SCAPER: variants seen among roughly 807,000 people sequenced by gnomAD.
SCAPER encodes S phase cyclin A-associated protein in the endoplasmic reticulum.
In SCAPER, 98 loss-of-function variants were observed where a neutral mutation model predicts 182.2. The observed-to-expected ratio is 0.54, with a 90% confidence interval of 0.46 to 0.64. The LOEUF (loss-of-function observed/expected upper bound fraction) is 0.64, where lower values mean the gene tolerates loss of function less well. SCAPER is among the 30% of genes least tolerant of loss of function. The pLI is 0.00. For synonymous variants in SCAPER, 605 were observed against 564.6 expected, an observed-to-expected ratio of 1.07 and a Z score of -1.01; for missense variants, 1,432 against 1,690.0, an observed-to-expected ratio of 0.85 and a Z score of 2.68.
intron 5 of SCAPER, among the ~76,000 whole-genome samples, chr15:76,810,551 CCACACA>C (rs67252250): frequency 2.2e-4 from 29 of 133,458 alleles, no homozygotes; most frequent in Non-Finnish European, 3.3e-4. Flanking sequence ...AAAAAAAAAA[CCACACA>C]CACACACACA....
At chr15:76,813,673 C>T (rs1395732277) in intron 5 of SCAPER, among the ~76,000 whole-genome samples, 1 of 152,084 alleles carries the variant, frequency 6.6e-6, no homozygotes, top group Non-Finnish European at 1.5e-5. Flanking sequence ...CAATAACAAT[C>T]TATGTTAAAA....
At chr15:76,468,088 T>TG (rs1324891139) in intron 25 of SCAPER, among the ~76,000 whole-genome samples, 8 of 152,282 alleles carry the variant, frequency 5.3e-5, no homozygotes, top group African/African-American at 1.9e-4. Context: ...AATAAGTCAG[T>TG]GGTCCATATT....
chr15:76,645,344 A>G (rs2054456900), intron 21 of SCAPER, among the ~76,000 whole-genome samples: 1 of 152,122 alleles, frequency 6.6e-6, no homozygotes, highest in African/African-American at 2.4e-5. Flanking sequence ...TTCTTCTACA[A>G]ATATGTGCCA....
At chr15:76,714,960 T>C (rs1383637788) in intron 17 of SCAPER, among the ~76,000 whole-genome samples, 3 of 151,784 alleles carry the variant, frequency 2.0e-5, no homozygotes, top group Admixed American at 6.6e-5. Flanking sequence ...AAAAAACACA[T>C]AAAAAGCACT....
At chr15:76,633,403 G>A (rs2053316149) in intron 21 of SCAPER, among the ~76,000 whole-genome samples, 1 of 152,234 alleles carries the variant, frequency 6.6e-6, no homozygotes, top group Non-Finnish European at 1.5e-5. Flanking sequence ...CAGTCAGGAG[G>A]AACGGGATCA....
In SCAPER at chr15:76,456,934, A is replaced by G. The variant is rs921111416; in HGVS notation, c.3078+14278T>C. Among the ~76,000 whole-genome samples, 7 of 152,098 alleles carry G rather than the reference A, an allele frequency of 4.6e-5. No individual in the cohort carries two copies. In the South Asian group the frequency reaches 1.4e-3, roughly 31 times the overall value. On this transcript the variant is annotated intron_variant, in intron 25 of 31. Coordinates refer to ENST00000563290, the MANE Select transcript of SCAPER (RefSeq NM_020843.4). ...TTATGCTTACTATGTATGTCTTTTTATCCACTTTCAACCTGTATTTATATG... is the reference window on the plus strand; with the variant it reads ...TTATGCTTACTATGTATGTCTTTTTGTCCACTTTCAACCTGTATTTATATG...
At chr15:76,876,339 C>T (rs923004620) in intron 2 of SCAPER, among the ~76,000 whole-genome samples, 64 of 151,234 alleles carry the variant, frequency 4.2e-4, no homozygotes, top group Non-Finnish European at 7.7e-4. Context: ...CAAGAGTGAG[C>T]GAGGGCTGCG....
intron 17 of SCAPER, among the ~76,000 whole-genome samples, chr15:76,713,964 CA>C (rs964633124): frequency 6.6e-6 from 1 of 151,644 alleles, no homozygotes; most frequent in Admixed American, 6.6e-5. Flanking sequence ...CTGTAATAGC[CA>C]AAAAAACTGG....
chr15:76,577,647 T>C (rs1050629830), intron 22 of SCAPER, among the ~76,000 whole-genome samples: 2 of 151,964 alleles, frequency 1.3e-5, no homozygotes, highest in Admixed American at 6.6e-5. Flanking sequence ...CCTGGAAGGA[T>C]TTGTCATCTG....
intron 18 of SCAPER, among the ~76,000 whole-genome samples, chr15:76,705,340 T>G (rs1356788965): frequency 7.4e-6 from 1 of 135,774 alleles, no homozygotes; most frequent in Admixed American, 8.9e-5. Context: ...TAGATGGGAA[T>G]TGAACAATGA....
chr15:76,520,554 G>C (rs982800946), intron 23 of SCAPER, among the ~76,000 whole-genome samples: 1 of 151,848 alleles, frequency 6.6e-6, no homozygotes, highest in African/African-American at 2.4e-5. Context: ...CCATGTGCTT[G>C]GTCCATTTTA....
At position 76,556,178 on chromosome 15, in the gene SCAPER, C is replaced by T. The variant is rs140953536; in HGVS notation, c.2838+17980G>A. 2.7e-3 allele frequency among the ~76,000 whole-genome samples: 417 copies of T among 152,178 alleles called. 4 individuals are homozygous for T. The highest frequency in any genetic ancestry group is 0.021 in the South Asian group (99 of 4,820). On this transcript the variant is annotated intron_variant, in intron 23 of 31. Coordinates refer to ENST00000563290, the MANE Select transcript of SCAPER (RefSeq NM_020843.4). ...CAACCTGCTTCTGAACAACTTCTGG[C>T]TAAACAATGAAAATAAGGCAGAAAT...
chr15:76,825,717 G>A (rs1453977374), intron 5 of SCAPER, among the ~76,000 whole-genome samples: 11 of 152,038 alleles, frequency 7.2e-5, no homozygotes. Context: ...ACACCTAGTG[G>A]TCTGGGCACC....
At chr15:76,701,684 G>T in intron 20 of SCAPER, 74 bp downstream of exon 20, 1 of 1,137,256 alleles carries the variant, frequency 8.8e-7, no homozygotes, top group East Asian at 2.4e-5. Context: ...ATACAAACAC[G>T]GAATTCTTTA....
At chr15:76,657,182 C>G (rs551627831) in intron 21 of SCAPER, among the ~76,000 whole-genome samples, 33 of 152,000 alleles carry the variant, frequency 2.2e-4, no homozygotes, top group African/African-American at 7.0e-4. Context: ...GACATAAGAT[C>G]CAAATAAGCA....
At chr15:76,505,843 T>G (rs762164543) in intron 23 of SCAPER, among the ~76,000 whole-genome samples, 10 of 152,062 alleles carry the variant, frequency 6.6e-5, no homozygotes, top group Non-Finnish European at 1.5e-4. Flanking sequence ...GGAAGCAACC[T>G]AAGTGTCCAT....
At chr15:76,833,510 A>G (rs760189063) in intron 5 of SCAPER, among the ~76,000 whole-genome samples, 18 of 152,218 alleles carry the variant, frequency 1.2e-4, no homozygotes, top group Non-Finnish European at 2.2e-4. Flanking sequence ...TGCATCACAT[A>G]TCAATATTGA....
intron 24 of SCAPER, among the ~76,000 whole-genome samples, chr15:76,495,344 G>A (rs925257074): frequency 5.9e-5 from 9 of 152,016 alleles, no homozygotes; most frequent in African/African-American, 2.2e-4. Context: ...TTGGGAGGAC[G>A]AGGCAGGTGG....
chr15:76,522,999 T>C (rs1481631064), intron 23 of SCAPER, among the ~76,000 whole-genome samples: 1 of 152,116 alleles, frequency 6.6e-6, no homozygotes, highest in East Asian at 1.9e-4. Context: ...AAATGCATTG[T>C]TACTACATAA....
Sources: gnomAD v4.1 joint callset for allele counts (sites outside exome capture counted in the v4.1 genomes callset) on GRCh38, gnomAD v4.1.1 for gene constraint, MANE v1.5 for transcripts, NCBI Gene and HGNC (gene_info 2026-07-23, HGNC 2026-07-21) for gene names.